Variants in ATXN1 observed in about 807,000 individuals in gnomAD.
ATXN1 encodes the protein ataxin 1.
A neutral mutation model predicts 56.4 loss-of-function variants in ATXN1; 8 were observed. That is an observed-to-expected ratio of 0.14 (90% CI 0.08 to 0.26). ATXN1 has a LOEUF of 0.26. Ranked by LOEUF, ATXN1 falls within the 10% of genes least tolerant of loss-of-function variation. The pLI, the probability that ATXN1 is intolerant of heterozygous loss-of-function variation, is 1.00. For missense variants in ATXN1, 987 were observed against 1,106.5 expected (o/e 0.89, Z 1.53); for synonymous variants, 514 against 494.6 (o/e 1.04, Z -0.52).
chr6:16,723,111 AG>A (rs1169997661), intron 2 of ATXN1, among the ~76,000 whole-genome samples: 3 of 152,212 alleles, frequency 2.0e-5, no homozygotes, highest in African/African-American at 7.2e-5. Context: ...TCAGAAATAA[AG>A]GAGAATTCTA....
At chr6:16,392,985 G>A (rs1181313448) in intron 6 of ATXN1, among the ~76,000 whole-genome samples, 4 of 152,162 alleles carry the variant, frequency 2.6e-5, no homozygotes, top group African/African-American at 4.8e-5. Flanking sequence ...TCTCATAAGA[G>A]GTCACATGGC....
In ATXN1 at chr6:16,495,803, C is replaced by A. The variant is rs925351866; in HGVS notation, c.-298-9694G>T. Among the ~76,000 whole-genome samples, 29 of 151,332 alleles carry A rather than the reference C, an allele frequency of 1.9e-4. 1 individual carries two copies. The highest frequency in any genetic ancestry group is 7.8e-4 in the East Asian group (4 of 5,142). On this transcript the variant is annotated intron_variant, in intron 5 of 7. Coordinates refer to ENST00000436367, the MANE Select transcript of ATXN1 (RefSeq NM_001128164.2). The stretch of plus-strand genomic sequence containing the variant: ...ACTTGAACCCAGGAAGCGGAGGTTG[C>A]AGTGAGCCGAGATCATGCCACTGCA...
intron 6 of ATXN1, among the ~76,000 whole-genome samples, chr6:16,404,661 C>A (rs1266092141): frequency 6.6e-6 from 1 of 152,018 alleles, no homozygotes; most frequent in Middle Eastern, 3.4e-3. Flanking sequence ...CCAGCCCCCA[C>A]CACATGTGCA....
chr6:16,600,727 T>C (rs190981572), intron 3 of ATXN1, among the ~76,000 whole-genome samples: 16 of 152,346 alleles, frequency 1.1e-4, no homozygotes, highest in Admixed American at 1.0e-3. Context: ...AACAAATGTT[T>C]GTTTGGAATA....
At chr6:16,543,033 A>T (rs1436405610) in intron 4 of ATXN1, among the ~76,000 whole-genome samples, 2 of 152,170 alleles carry the variant, frequency 1.3e-5, no homozygotes, top group African/African-American at 2.4e-5. Context: ...TACTGTATCA[A>T]CCTGGATAAG....
intron 6 of ATXN1, among the ~76,000 whole-genome samples, chr6:16,367,499 T>G (rs953303453): frequency 1.3e-5 from 2 of 152,150 alleles, no homozygotes; most frequent in African/African-American, 4.8e-5. Flanking sequence ...TTGTCTGATT[T>G]GTACACACCC....
chr6:16,468,235 G>A (rs552753274), intron 6 of ATXN1, among the ~76,000 whole-genome samples: 6 of 152,056 alleles, frequency 3.9e-5, no homozygotes, highest in Middle Eastern at 3.4e-3. Context: ...GCCCAGGCTG[G>A]AGTGCAGTGG....
intron 3 of ATXN1, among the ~76,000 whole-genome samples, chr6:16,604,912 A>G (rs1030616236): frequency 3.3e-5 from 5 of 152,224 alleles, no homozygotes; most frequent in Non-Finnish European, 5.9e-5. Context: ...GAAAAGAGGA[A>G]AACGGAAGTC....
chr6:16,475,605 T>A (rs9477139), intron 6 of ATXN1, among the ~76,000 whole-genome samples: 16,129 of 152,200 alleles, frequency 0.11, 1,050 homozygotes, highest in African/African-American at 0.17. Context: ...GACACACAGC[T>A]ACTGGGTGGC....
intron 7 of ATXN1, among the ~76,000 whole-genome samples, chr6:16,321,548 G>A (rs888259305): frequency 3.9e-5 from 6 of 152,214 alleles, no homozygotes; most frequent in African/African-American, 7.2e-5. Context: ...CGCTTTGCTC[G>A]AGTGGAGAAA....
chr6:16,548,402 C>T (rs1761854031), intron 4 of ATXN1, among the ~76,000 whole-genome samples: 1 of 152,124 alleles, frequency 6.6e-6, no homozygotes, highest in Non-Finnish European at 1.5e-5. Context: ...TTAGGCTGCA[C>T]CAAATTTATT....
At chr6:16,623,654 C>T (rs1465687318) in intron 3 of ATXN1, among the ~76,000 whole-genome samples, 1 of 152,188 alleles carries the variant, frequency 6.6e-6, no homozygotes, top group Non-Finnish European at 1.5e-5. Context: ...TAATCTGAAC[C>T]AAACTAAGAA....
At chr6:16,698,653 A>T (rs992680458) in intron 2 of ATXN1, among the ~76,000 whole-genome samples, 90 of 55,732 alleles carry the variant, frequency 1.6e-3, no homozygotes, top group African/African-American at 3.6e-3. Context: ...CAAAAATTAA[A>T]AAAAAAAAAA....
At chr6:16,408,778 T>A (rs1758738058) in intron 6 of ATXN1, among the ~76,000 whole-genome samples, 1 of 152,262 alleles carries the variant, frequency 6.6e-6, no homozygotes, top group Admixed American at 6.5e-5. Flanking sequence ...GAGGTCTCTG[T>A]CATCCAGGCT....
chr6:16,649,193 G>A (rs772264404), intron 3 of ATXN1, among the ~76,000 whole-genome samples: 9 of 151,572 alleles, frequency 5.9e-5, no homozygotes, highest in African/African-American at 1.7e-4. Context: ...TTGAGGAGCC[G>A]AATTAATTTT....
chr6:16,554,550 C>G (rs1418419266), intron 4 of ATXN1, among the ~76,000 whole-genome samples: 1 of 152,232 alleles, frequency 6.6e-6, no homozygotes, highest in Non-Finnish European at 1.5e-5. Context: ...CTCCCAGATT[C>G]AAGCAATTCT....
chr6:16,510,352 T>C (rs184423926), intron 5 of ATXN1, among the ~76,000 whole-genome samples: 1 of 152,314 alleles, frequency 6.6e-6, no homozygotes, highest in East Asian at 1.9e-4. Context: ...CATCTCATAC[T>C]TGACTGGTTG....
chr6:16,581,487 T>C (rs1687805934), intron 4 of ATXN1, among the ~76,000 whole-genome samples: 1 of 151,754 alleles, frequency 6.6e-6, no homozygotes, highest in Admixed American at 6.6e-5. Flanking sequence ...AAAAGAAATC[T>C]CTGAGCAGAG....
rs1561843880 is a variant in ATXN1, at chr6:16,760,330, G to C, written c.-730+968C>G. Among the ~76,000 whole-genome samples the C allele has an allele frequency of 6.6e-6, 1 of 151,900 alleles. No individual in the cohort carries two copies. Among genetic ancestry groups the C allele is most frequent in the Admixed American group, 6.6e-5 (1 of 15,262 alleles). On this transcript the variant is annotated intron_variant, in intron 1 of 7. Coordinates refer to ENST00000436367, the MANE Select transcript of ATXN1 (RefSeq NM_001128164.2). The surrounding 1 kb of genome is among the most constrained non-coding windows in gnomAD (Gnocchi z 5.3). ...CCGTTCACTCCCGGCTCAGGGCAGCGCCTGCCGCGGCTCCTCGTCTCCTGC... is the reference window on the plus strand; with the variant it reads ...CCGTTCACTCCCGGCTCAGGGCAGCCCCTGCCGCGGCTCCTCGTCTCCTGC...
Sources: allele counts gnomAD v4.1 joint callset (sites outside exome capture counted in the v4.1 genomes callset), GRCh38; gene constraint gnomAD v4.1.1; non-coding constraint Gnocchi (gnomAD v3.1); transcripts MANE v1.5; gene names NCBI Gene and HGNC (gene_info 2026-07-23, HGNC 2026-07-21).